The following AHCTF1 variants were observed in gnomAD, a reference collection of about 807,000 sequenced individuals.
The protein encoded by AHCTF1 is AT-hook containing transcription factor 1, also known as protein ELYS.
Under a neutral mutation model 248.4 loss-of-function variants are expected in AHCTF1, and 24 were observed. The observed-to-expected ratio is 0.10, with a 90% CI of 0.07 to 0.14. The LOEUF (loss-of-function observed/expected upper bound fraction) is 0.14. Among genes scored for constraint, AHCTF1 ranks in the 10% least tolerant of loss-of-function variants. The pLI is 1.00. For missense variants in AHCTF1, 2,206 were observed against 2,636.2 expected (o/e 0.84, Z 3.57); for synonymous variants, 786 against 929.8 (o/e 0.85, Z 2.81).
intron 23 of AHCTF1, among the ~76,000 whole-genome samples, chr1:246,876,418 A>C (rs1287198151): frequency 6.6e-6 from 1 of 152,204 alleles, no homozygotes; most frequent in East Asian, 1.9e-4. Flanking sequence ...ACAATTAATA[A>C]AAACAATGGT....
At chr1:246,846,229 G>A (rs1367557751) in intron 33 of AHCTF1, among the ~76,000 whole-genome samples, 1 of 151,132 alleles carries the variant, frequency 6.6e-6, no homozygotes, top group African/African-American at 2.4e-5. Context: ...TAAAATAAAG[G>A]ACCACCTCTA....
chr1:246,845,737 T>C (rs1286858098), intron 33 of AHCTF1, among the ~76,000 whole-genome samples: 1 of 152,184 alleles, frequency 6.6e-6, no homozygotes, highest in Non-Finnish European at 1.5e-5. Context: ...CCATCTCTTG[T>C]TTTGAGGATT....
rs764386876 is a variant in AHCTF1, at chr1:246,885,527, C to T, written c.2626G>A (p.Val876Ile). ...AGCAAAACAGTGAGGTGAAGGATAA[C>T]ATCGTTACCACTGGACACTGTTGGC... ...MKPTVSSGND[V>I]ILHLTVLLFN... The change falls in exon 21 of 36, where the codon GTT becomes ATT. Residue 876 changes from valine to isoleucine, a missense_variant. Transcript: ENST00000648844. 10 of 1,606,362 alleles carry T rather than the reference C, an allele frequency of 6.2e-6. No homozygotes were observed. In the South Asian group the frequency reaches 8.8e-5, roughly 14 times the overall value.
At chr1:246,905,307 G>C (rs1363954635) in intron 6 of AHCTF1, among the ~76,000 whole-genome samples, 1 of 152,062 alleles carries the variant, frequency 6.6e-6, no homozygotes, top group African/African-American at 2.4e-5. Flanking sequence ...AGACCAGCCT[G>C]GCCAACATGG....
At chr1:246,931,514 G>A in intron 1 of AHCTF1, 64 bp downstream of exon 1, 1 of 440,384 alleles carries the variant, frequency 2.3e-6, no homozygotes, top group Non-Finnish European at 3.0e-6. Context: ...CGCCGCCGCG[G>A]GTCCAGGCCG....
chr1:246,920,199 C>T (rs1199542389), intron 1 of AHCTF1, among the ~76,000 whole-genome samples: 1 of 97,790 alleles, frequency 1.0e-5, no homozygotes, highest in African/African-American at 3.9e-5. Flanking sequence ...AATAACAAAA[C>T]ACACAAGGAT....
intron 21 of AHCTF1, among the ~76,000 whole-genome samples, chr1:246,879,488 G>A (rs576592058): frequency 3.3e-5 from 5 of 152,228 alleles, no homozygotes; most frequent in African/African-American, 1.2e-4. Context: ...TGTTTAAAAT[G>A]GCTAAAGGTT....
At chr1:246,871,799 T>TAA (rs35358938) in intron 24 of AHCTF1, among the ~76,000 whole-genome samples, 187 of 151,942 alleles carry the variant, frequency 1.2e-3, no homozygotes, top group African/African-American at 4.4e-3. Context: ...TATAGCTACC[T>TAA]AAAAGGGTAG....
At chr1:246,918,881 A>G (rs1470184562) in intron 1 of AHCTF1, among the ~76,000 whole-genome samples, 1 of 152,228 alleles carries the variant, frequency 6.6e-6, no homozygotes, top group African/African-American at 2.4e-5. Flanking sequence ...CTCCCTACAG[A>G]AAAAAGAAAA....
chr1:246,867,856 G>A (rs1208889365), intron 24 of AHCTF1, 45 bp from the exon 25 acceptor site: 20 of 1,465,280 alleles, frequency 1.4e-5, no homozygotes, highest in Non-Finnish European at 1.6e-5. Flanking sequence ...TCTAACAAAC[G>A]GGAATTTAAT....
intron 24 of AHCTF1, among the ~76,000 whole-genome samples, chr1:246,873,795 G>C (rs1488643945): frequency 6.6e-6 from 1 of 152,310 alleles, no homozygotes; most frequent in South Asian, 2.1e-4. Flanking sequence ...ACTGGAGCAA[G>C]CTCCCCTTTC....
intron 7 of AHCTF1, among the ~76,000 whole-genome samples, chr1:246,903,517 T>C (rs1665150284): frequency 6.6e-6 from 1 of 152,072 alleles, no homozygotes; most frequent in Non-Finnish European, 1.5e-5. Flanking sequence ...ATGAATACAA[T>C]ATTAACTTCA....
intron 24 of AHCTF1, among the ~76,000 whole-genome samples, chr1:246,868,512 C>T (rs2103083190): frequency 6.6e-6 from 1 of 151,688 alleles, no homozygotes; most frequent in South Asian, 2.1e-4. Flanking sequence ...TCCTCGGCCT[C>T]TCAAAGTGCT....
Position 246,902,573 on chromosome 1 carries a change from T to C in AHCTF1, c.1069A>G (p.Ile357Val), listed in dbSNP as rs770028189. ...TCACCATGAGATCGAAATTTCTCTA[T>C]ACTCTGGCATCCCAACAATTTGGTA... is the stretch of plus-strand genomic sequence containing the variant. Reference protein sequence around the residue: ...SNTKLLGCQSIEKFRSHGDRE... With the variant: ...SNTKLLGCQSVEKFRSHGDRE... Residue 357 changes from isoleucine (I) to valine (V), a missense_variant, in exon 8 of 36, where the codon ATA becomes GTA. Physicochemically the swap from Ile to Val is conservative, Grantham distance 29. Around this residue, in one of 6 missense-constraint regions of AHCTF1, gnomAD observed 650 missense variants for 870.8 expected, o/e 0.75. Coordinates refer to ENST00000648844, the MANE Select transcript of AHCTF1 (RefSeq NM_001323342.2). 1.4e-4 allele frequency: 221 copies of C among 1,612,098 alleles called. No homozygotes were observed. The highest frequency in any genetic ancestry group is 1.8e-4 in the Non-Finnish European group (211 of 1,179,820).
chr1:246,923,761 A>G (rs1353722794), intron 1 of AHCTF1, among the ~76,000 whole-genome samples: 4 of 152,140 alleles, frequency 2.6e-5, no homozygotes, highest in African/African-American at 9.7e-5. Context: ...GTGTGCGCGT[A>G]GCACACAGGA....
chr1:246,876,281 C>CA (rs1249107408), intron 23 of AHCTF1, 94 bp from the exon 24 acceptor site: 8 of 1,131,944 alleles, frequency 7.1e-6, no homozygotes, highest in Non-Finnish European at 8.2e-6. Flanking sequence ...TATGAATATC[C>CA]AAAAAATCTT....
At chr1:246,861,894 T>C in intron 28 of AHCTF1, 65 bp downstream of exon 28, 2 of 1,352,824 alleles carry the variant, frequency 1.5e-6, no homozygotes, top group Admixed American at 2.3e-5. Context: ...TCTAACTTTT[T>C]ACTTGTCAGA....
rs1243931992 is a variant in AHCTF1, at chr1:246,913,297, T to C, written c.491A>G (p.Gln164Arg). 1.9e-6 allele frequency: 3 copies of C among 1,613,388 alleles called. No individual in the cohort carries two copies. The highest frequency in any genetic ancestry group is 1.3e-5 in the African/African-American group (1 of 74,920). The change falls in exon 4 of 36, where the codon CAG (glutamine) becomes CGG (arginine). Residue 164 changes from glutamine (Q) to arginine (R), a missense_variant. Around this residue, in one of 6 missense-constraint regions of AHCTF1, gnomAD observed 650 missense variants for 870.8 expected, o/e 0.75. Transcript: ENST00000648844. ...CAAACATAGGTCAACAAGAAGGATC[T>C]GTCCAACATCAGTGACCACAGCTGC... Reference protein sequence around the residue: ...GVAAVVTDVGQILLVDLCLDD... With the variant: ...GVAAVVTDVGRILLVDLCLDD...
At chr1:246,857,637 T>C (rs2103057561) in intron 30 of AHCTF1, 54 bp downstream of exon 30, 1 of 1,538,174 alleles carries the variant, frequency 6.5e-7, no homozygotes, top group Non-Finnish European at 8.8e-7. Context: ...TTCTGGTTCA[T>C]AATTTCATTA....
Sources: allele counts gnomAD v4.1 joint callset (sites outside exome capture counted in the v4.1 genomes callset), GRCh38; gene constraint gnomAD v4.1.1; regional missense constraint gnomAD v4.1.1; transcripts MANE v1.5; gene names NCBI Gene and HGNC (gene_info 2026-07-23, HGNC 2026-07-21).